The following MBTPS1 variants were observed in gnomAD, a reference collection of about 807,000 sequenced individuals.
MBTPS1 encodes the protein membrane bound transcription factor peptidase, site 1.
Under a neutral mutation model 127.8 loss-of-function variants are expected in MBTPS1, and 94 were observed. The ratio of observed to expected loss-of-function variants is 0.74; its 90% CI spans 0.62 to 0.87. MBTPS1 has a LOEUF of 0.87. Among genes scored for constraint, MBTPS1 ranks in the 40% least tolerant of loss-of-function variants. The pLI is 0.00. For synonymous variants in MBTPS1, 632 were observed against 509.4 expected (o/e 1.24, Z -3.24); for missense variants, 1,636 against 1,353.2 (o/e 1.21, Z -3.28).
intron 11 of MBTPS1, among the ~76,000 whole-genome samples, chr16:84,077,065 A>C (rs1053742903): frequency 3.9e-5 from 6 of 152,074 alleles, no homozygotes; most frequent in Admixed American, 3.3e-4. Context: ...GTCTCTACTA[A>C]AAATAGAAAA....
At chr16:84,082,057 G>C (rs930134805) in intron 10 of MBTPS1, 149 bp from the exon 11 acceptor site, 1 of 474,702 alleles carries the variant, frequency 2.1e-6, no homozygotes, top group Non-Finnish European at 3.5e-6. Context: ...CTGCATGAGA[G>C]AATGAGTGCA....
chr16:84,116,941 C>G lies in MBTPS1; in HGVS notation c.-531G>C, dbSNP rs999356310. ...CGCTCCCGGGGCTTGCGTGCGCGCTCTGGACGCCGTGGGCAGCGGGACCAC... is the reference window on the plus strand; with the variant it reads ...CGCTCCCGGGGCTTGCGTGCGCGCTGTGGACGCCGTGGGCAGCGGGACCAC... On this transcript the variant is annotated 5_prime_UTR_variant, in exon 1 of 23. Transcript: ENST00000343411. 2.0e-5 allele frequency: 3 copies of G among 152,334 alleles called. No homozygotes were observed. In the East Asian group the frequency reaches 5.8e-4, roughly 29 times the overall value. 9.4% of individuals were successfully genotyped at this position (152,334 alleles called of 1,614,324 possible). A position where few individuals can be genotyped will look rare whatever the true frequency, so the allele number is the denominator to read the frequency against.
intron 8 of MBTPS1, among the ~76,000 whole-genome samples, chr16:84,089,684 G>A (rs2086077007): frequency 1.3e-5 from 2 of 152,174 alleles, no homozygotes; most frequent in South Asian, 4.1e-4. Context: ...AGAAGTGACG[G>A]TGCCTCAGCC....
chr16:84,061,685 A>T (rs1039636345), intron 19 of MBTPS1: 1 of 152,178 alleles, frequency 6.6e-6, no homozygotes, highest in Non-Finnish European at 1.5e-5. Context: ...GACAGCAGAG[A>T]AAGGGCAATT....
intron 1 of MBTPS1, among the ~76,000 whole-genome samples, chr16:84,103,685 A>G (rs1005176561): frequency 2.0e-5 from 3 of 152,220 alleles, no homozygotes; most frequent in African/African-American, 4.8e-5. Context: ...GGAAATATCA[A>G]TATGTGCTTC....
chr16:84,110,109 A>G (rs1232891893), intron 1 of MBTPS1, among the ~76,000 whole-genome samples: 3 of 152,250 alleles, frequency 2.0e-5, no homozygotes, highest in African/African-American at 4.8e-5. Flanking sequence ...ATGTGGTGAC[A>G]GGCACATTCT....
chr16:84,100,945 G>T (rs1245418020), intron 2 of MBTPS1, among the ~76,000 whole-genome samples: 1 of 147,848 alleles, frequency 6.8e-6, no homozygotes, highest in African/African-American at 2.5e-5. Context: ...CTTGAGGTCA[G>T]GAGTTCAAGA....
At chr16:84,103,928 C>G (rs2086290630) in intron 1 of MBTPS1, among the ~76,000 whole-genome samples, 1 of 152,074 alleles carries the variant, frequency 6.6e-6, no homozygotes, top group Admixed American at 6.5e-5. Flanking sequence ...ATGCCAACTG[C>G]AAGAGCAAAA....
chr16:84,070,508 C>T, intron 13 of MBTPS1, 80 bp downstream of exon 13: 2 of 1,411,272 alleles, frequency 1.4e-6, no homozygotes, highest in Non-Finnish European at 2.0e-6. Flanking sequence ...CAATGGAGAC[C>T]CCAGGCATTT....
intron 1 of MBTPS1, among the ~76,000 whole-genome samples, chr16:84,112,974 CAAAAAA>C (rs71382895): frequency 3.5e-5 from 2 of 56,878 alleles, no homozygotes; most frequent in African/African-American, 1.3e-4. Flanking sequence ...GATGCCATCT[CAAAAAA>C]AAAAAAAAAA....
Position 84,085,017 on chromosome 16 carries a change from G to A in MBTPS1, c.1252C>T (p.Pro418Ser). ...AAGGTGACAGCACCTGCAACCACTG[G>A]AGAAGCAACACTGGTCCCTGAGAGG... is the stretch of plus-strand genomic sequence containing the variant. The part of the protein sequence containing the change: ...RALSGTSVAS[P>S]VVAGAVTLLV... The change falls in exon 10 of 23, where the codon CCA becomes TCA. Residue 418 changes from proline (P) to serine (S), a missense_variant. Pro to Ser is a moderately conservative substitution (Grantham distance 74, BLOSUM62 -1). Transcript: ENST00000343411. 6.2e-7 allele frequency: 1 copy of A among 1,614,170 alleles called. No individual in the cohort carries two copies. The highest frequency in any genetic ancestry group is 8.5e-7 in the Non-Finnish European group (1 of 1,180,036).
intron 1 of MBTPS1, among the ~76,000 whole-genome samples, chr16:84,115,293 G>T (rs951540692): frequency 8.5e-5 from 13 of 152,288 alleles, no homozygotes; most frequent in African/African-American, 3.1e-4. Context: ...GTGCTTCAAA[G>T]GTTCCGCAAG....
intron 1 of MBTPS1, among the ~76,000 whole-genome samples, chr16:84,108,364 A>G (rs2086353552): frequency 2.0e-5 from 3 of 152,178 alleles, no homozygotes; most frequent in South Asian, 2.1e-4. Context: ...TCCCAGCTGA[A>G]GCGATTCTCC....
chr16:84,111,490 A>G (rs1436867582), intron 1 of MBTPS1, among the ~76,000 whole-genome samples: 2 of 151,926 alleles, frequency 1.3e-5, no homozygotes, highest in Non-Finnish European at 2.9e-5. Context: ...GCAGTGAGCC[A>G]AGACTGTGCC....
rs750328198 is a variant in MBTPS1, at chr16:84,101,629, A to G, written c.155T>C (p.Val52Ala). Residue 52 changes from valine (V) to alanine (A), a missense_variant, in exon 2 of 23, where the codon GTG becomes GCG. Transcript: ENST00000343411. ...TLKVEFSSTV[V>A]EYEYIVAFNG... is the part of the protein sequence containing the mutation. ...TAAGACAACATCATTACCATATTCC[A>G]CAACTGTTGATGAGAATTCCACCTT... 20 of 1,613,376 alleles carry G rather than the reference A, an allele frequency of 1.2e-5. No homozygotes were observed. The highest frequency in any genetic ancestry group is 1.7e-5 in the Non-Finnish European group (20 of 1,179,536).
At chr16:84,108,762 G>A (rs997252615) in intron 1 of MBTPS1, among the ~76,000 whole-genome samples, 3 of 152,220 alleles carry the variant, frequency 2.0e-5, no homozygotes, top group African/African-American at 7.2e-5. Flanking sequence ...CCTGGCAAGT[G>A]AAGAAGGCAC....
At chr16:84,057,682 C>T (rs2085541916) in intron 21 of MBTPS1, 2 of 152,334 alleles carry the variant, frequency 1.3e-5, no homozygotes, top group Admixed American at 1.3e-4. Flanking sequence ...GAATATGCGT[C>T]GATCTAGGTC....
chr16:84,106,502 G>C (rs939092458), intron 1 of MBTPS1, among the ~76,000 whole-genome samples: 5 of 152,092 alleles, frequency 3.3e-5, no homozygotes, highest in African/African-American at 1.2e-4. Context: ...AAAGGCCCTG[G>C]GGCAAGGACC....
At chr16:84,110,422 G>C (rs1005748563) in intron 1 of MBTPS1, among the ~76,000 whole-genome samples, 1 of 151,934 alleles carries the variant, frequency 6.6e-6, no homozygotes, top group Non-Finnish European at 1.5e-5. Flanking sequence ...TGTTTATTAA[G>C]TTAACAAATC....
Sources: gnomAD v4.1 joint callset for allele counts (sites outside exome capture counted in the v4.1 genomes callset) on GRCh38, gnomAD v4.1.1 for gene constraint, MANE v1.5 for transcripts, NCBI Gene and HGNC (gene_info 2026-07-23, HGNC 2026-07-21) for gene names.